Variants in ANK1 observed in about 807,000 individuals in gnomAD.
ANK1 encodes the protein ankyrin 1.
In ANK1, 51 loss-of-function variants were observed where a neutral mutation model predicts 210.4. The ratio of observed to expected loss-of-function variants is 0.24; its 90% confidence interval spans 0.19 to 0.31. The LOEUF is 0.31. ANK1 is among the 10% of genes least tolerant of loss of function. The probability of loss-of-function intolerance (pLI) is 1.00; values close to 1 mark genes in which losing one functional copy is unlikely to be tolerated. For synonymous variants in ANK1, 967 were observed against 1,025.9 expected (o/e 0.94, Z 1.10); for missense variants, 2,051 against 2,504.4 (o/e 0.82, Z 3.86).
At chr8:41,806,586 C>A (rs966814459) in intron 1 of ANK1, among the ~76,000 whole-genome samples, 3 of 152,108 alleles carry the variant, frequency 2.0e-5, no homozygotes, top group Non-Finnish European at 4.4e-5. Context: ...GTGATGGCAC[C>A]TGTAATCCCA....
intron 1 of ANK1, among the ~76,000 whole-genome samples, chr8:41,875,022 G>C (rs902635269): frequency 6.6e-6 from 1 of 152,198 alleles, no homozygotes; most frequent in Non-Finnish European, 1.5e-5. Flanking sequence ...CAGAGAGGAC[G>C]GGCCCAGCAG....
At chr8:41,812,797 C>A (rs746615087) in intron 1 of ANK1, among the ~76,000 whole-genome samples, 2 of 152,222 alleles carry the variant, frequency 1.3e-5, no homozygotes, top group African/African-American at 2.4e-5. Flanking sequence ...ATAAGGAGTG[C>A]GCAACCTAGA....
At chr8:41,742,349 C>A (rs1206350683) in intron 2 of ANK1, among the ~76,000 whole-genome samples, 1 of 152,206 alleles carries the variant, frequency 6.6e-6, no homozygotes, top group Non-Finnish European at 1.5e-5. Flanking sequence ...GGTGTCTCTG[C>A]AAAACTGCAA....
At chr8:41,881,373 G>C (rs1817558484) in intron 1 of ANK1, among the ~76,000 whole-genome samples, 1 of 152,168 alleles carries the variant, frequency 6.6e-6, no homozygotes, top group Non-Finnish European at 1.5e-5. Flanking sequence ...CTGGTGTGTG[G>C]TATGTACAGA....
intron 1 of ANK1, among the ~76,000 whole-genome samples, chr8:41,856,007 G>C (rs1812115443): frequency 6.6e-6 from 1 of 152,176 alleles, no homozygotes; most frequent in Non-Finnish European, 1.5e-5. Flanking sequence ...GGGAAATTCT[G>C]ATGTCAACAA....
intron 1 of ANK1, among the ~76,000 whole-genome samples, chr8:41,877,995 CAGA>C (rs1159088965): frequency 6.6e-6 from 1 of 152,148 alleles, no homozygotes; most frequent in African/African-American, 2.4e-5. Flanking sequence ...TAGCGCCCAG[CAGA>C]AGGTCAGTGA....
Position 41,725,742 on chromosome 8 carries a change from CCCT to C in ANK1, c.612+16_612+18del. ...CGGGCGTCCGCGGCCCAAGGCTCCT[CCCT>C]CCTCCTCGCCCTCACCTTGGAAAGC... On this transcript the variant is annotated intron_variant, in intron 6 of 42. Coordinates refer to ENST00000289734, the MANE Select transcript of ANK1 (RefSeq NM_000037.4). 1 of 1,604,760 alleles carries C rather than the reference CCCT, an allele frequency of 6.2e-7. No homozygotes were observed. The highest frequency in any genetic ancestry group is 1.1e-5 in the South Asian group (1 of 89,920).
At chr8:41,814,395 T>C (rs545080512) in intron 1 of ANK1, among the ~76,000 whole-genome samples, 1 of 152,138 alleles carries the variant, frequency 6.6e-6, no homozygotes, top group African/African-American at 2.4e-5. Context: ...CTGGGCTCAT[T>C]CATTTGCATG....
chr8:41,703,418 GTGTGTATATATATA>G (rs1365811168), intron 20 of ANK1, among the ~76,000 whole-genome samples: 1 of 46,884 alleles, frequency 2.1e-5, no homozygotes, highest in Non-Finnish European at 4.0e-5. Context: ...GTGTGTGTGT[GTGTGTATATATATA>G]TATATATATA....
chr8:41,811,184 A>G (rs7826221), intron 1 of ANK1, among the ~76,000 whole-genome samples: 55,488 of 152,016 alleles, frequency 0.37, 10,569 homozygotes, highest in Non-Finnish European at 0.42. Context: ...GCAAAGCTCA[A>G]GCCGCTACCA....
intron 42 of ANK1, 153 bp downstream of exon 42, chr8:41,661,277 G>T: frequency 8.5e-7 from 1 of 1,173,758 alleles, no homozygotes; most frequent in Non-Finnish European, 1.2e-6. Flanking sequence ...CTGTTAGCAG[G>T]GTTGGGAAGT....
At chr8:41,661,356 G>A in intron 42 of ANK1, 74 bp downstream of exon 42, 4 of 1,585,262 alleles carry the variant, frequency 2.5e-6, no homozygotes, top group Non-Finnish European at 3.4e-6. Flanking sequence ...GCTGGGAGGG[G>A]ATAGGGTGAG....
At position 41,849,129 on chromosome 8, in the gene ANK1, T is replaced by G. The variant is rs75005454; in HGVS notation, c.126+47226A>C. 1.9e-3 allele frequency among the ~76,000 whole-genome samples: 282 copies of G among 152,344 alleles called. 4 individuals carry two copies. In the East Asian group the frequency reaches 0.024, roughly 13 times the overall value. On this transcript the variant is annotated intron_variant, in intron 1 of 42. Coordinates refer to the ANK1 transcript ENST00000265709. ...AGCTTCAACATTATTTTAGGGACCTTTGAACCACATTTGGAGGGGCTCACT... is the reference window on the plus strand; with the variant it reads ...AGCTTCAACATTATTTTAGGGACCTGTGAACCACATTTGGAGGGGCTCACT...
chr8:41,816,029 T>C (rs1803266342), intron 1 of ANK1, among the ~76,000 whole-genome samples: 1 of 152,230 alleles, frequency 6.6e-6, no homozygotes, highest in Non-Finnish European at 1.5e-5. Context: ...AGACATATTA[T>C]AAAACATTAT....
chr8:41,812,930 G>C (rs978563496), intron 1 of ANK1, among the ~76,000 whole-genome samples: 1 of 152,164 alleles, frequency 6.6e-6, no homozygotes, highest in Non-Finnish European at 1.5e-5. Context: ...ACTTCCTGCT[G>C]TGCGGCCTGG....
rs111414757 is a variant in ANK1 at position 41,864,191 on chromosome 8, A to G, written c.126+32164T>C. ...CATGAACCTGGGAGGTGGAGCTTGT[A>G]GTGAGCCGAGATCACGCCACTGCAC... On this transcript the variant is annotated intron_variant, in intron 1 of 42. Coordinates refer to the ANK1 transcript ENST00000265709. Among the ~76,000 whole-genome samples the G allele has an allele frequency of 1.5e-4, 22 of 147,394 alleles. 2 individuals are homozygous for G. The highest frequency in any genetic ancestry group is 5.0e-4 in the African/African-American group (20 of 39,990).
At chr8:41,826,449 T>C (rs1249237253) in intron 1 of ANK1, among the ~76,000 whole-genome samples, 1 of 152,100 alleles carries the variant, frequency 6.6e-6, no homozygotes, top group African/African-American at 2.4e-5. Flanking sequence ...CTCCCTGGCT[T>C]AGCACCATCC....
chr8:41,737,568 G>A (rs937512317), intron 2 of ANK1, among the ~76,000 whole-genome samples: 1 of 152,130 alleles, frequency 6.6e-6, no homozygotes, highest in Non-Finnish European at 1.5e-5. Context: ...CCTGCCTCTC[G>A]CGGAGCTGCA....
chr8:41,833,866 G>T (rs1807126745), intron 1 of ANK1, among the ~76,000 whole-genome samples: 1 of 152,178 alleles, frequency 6.6e-6, no homozygotes, highest in African/African-American at 2.4e-5. Context: ...GGAGCTGCAG[G>T]ATTGGACTAA....
Sources: allele counts gnomAD v4.1 joint callset (sites outside exome capture counted in the v4.1 genomes callset), GRCh38; gene constraint gnomAD v4.1.1; transcripts MANE v1.5; gene names NCBI Gene and HGNC (gene_info 2026-07-23, HGNC 2026-07-21).